The following TCF25 variants were observed in gnomAD, a reference collection of about 807,000 sequenced individuals.
The protein encoded by TCF25 is ribosome quality control complex subunit TCF25.
Under a neutral mutation model 83.1 loss-of-function variants are expected in TCF25, and 41 were observed. The ratio of observed to expected loss-of-function variants is 0.49; its 90% CI spans 0.38 to 0.64. The LOEUF is 0.64. Ranked by LOEUF, TCF25 falls within the 30% of genes least tolerant of loss-of-function variation. The pLI is 0.00. For missense variants in TCF25, 979 were observed against 914.5 expected (o/e 1.07, Z -0.91); for synonymous variants, 458 against 365.0 (o/e 1.25, Z -2.90).
At chr16:89,910,321 G>A (rs369211728) in intron 16 of TCF25, 12 of 540,118 alleles carry the variant, frequency 2.2e-5, no homozygotes, top group African/African-American at 1.7e-4. Context: ...ATGGCTGTGG[G>A]AGCCTCGCTC....
intron 14 of TCF25, 179 bp from the exon 15 acceptor site, chr16:89,906,015 C>T (rs1034024495): frequency 1.7e-5 from 10 of 596,982 alleles, no homozygotes; most frequent in Admixed American, 5.8e-5. Context: ...GCTCCCCAGC[C>T]GCAGGCCAGG....
intron 14 of TCF25, 68 bp downstream of exon 14, chr16:89,905,164 G>T (rs2044673653): frequency 6.8e-7 from 1 of 1,474,942 alleles, no homozygotes; most frequent in Non-Finnish European, 9.0e-7. Context: ...AGACACGGGG[G>T]CCTCGCATTC....
chr16:89,897,931 G>T (rs1042212013), intron 9 of TCF25, among the ~76,000 whole-genome samples: 1 of 152,212 alleles, frequency 6.6e-6, no homozygotes, highest in Non-Finnish European at 1.5e-5. Flanking sequence ...GTGAAACCCC[G>T]TCTCTACTAA....
chr16:89,900,586 TTG>T, intron 11 of TCF25, 47 bp from the exon 12 acceptor site: 2 of 1,522,698 alleles, frequency 1.3e-6, no homozygotes, highest in Non-Finnish European at 1.8e-6. Flanking sequence ...CTCACATATT[TTG>T]TCTTTATGAC....
chr16:89,898,536 G>A (rs565151837), intron 9 of TCF25, 21 bp from the exon 10 acceptor site: 1 of 1,585,660 alleles, frequency 6.3e-7, no homozygotes, highest in Non-Finnish European at 8.6e-7. Context: ...TGTAATTCAT[G>A]TGGAACTATT....
rs778311342 is a variant in TCF25 at position 89,873,800 on chromosome 16, G to A, written c.133G>A (p.Val45Ile). Reference sequence around the variant, plus strand: ...AGAAGGGCCCAAGCGGGAGCTTGGTGTCCGGCGTCCCGGGGGCGCAGGGAA... The same window carrying A: ...AGAAGGGCCCAAGCGGGAGCTTGGTATCCGGCGTCCCGGGGGCGCAGGGAA... ...EEEGPKRELG[V>I]RRPGGAGKEG... The change falls in exon 1 of 18, where the codon GTC becomes ATC. Residue 45 changes from valine to isoleucine, a missense_variant. Val to Ile is a conservative substitution (Grantham distance 29). Coordinates refer to ENST00000263346, the MANE Select transcript of TCF25 (RefSeq NM_014972.3). 1 of 1,603,462 alleles carries A rather than the reference G, an allele frequency of 6.2e-7. No individual in the cohort carries two copies. The highest frequency in any genetic ancestry group is 1.1e-5 in the South Asian group (1 of 89,824).
In TCF25 at chr16:89,905,075, C is replaced by T. The variant is rs1229996307; in HGVS notation, c.1607C>T (p.Ala536Val). ...CAAGCAGTGGACGCCGGGGACCCAG[C>T]CGTGGAAGCCTGTGAGAACCGGTGA... ...VLQAVDAGDP[A>V]VEACENRRKV... The change falls in exon 14 of 18, where the codon GCC becomes GTC. Residue 536 changes from alanine (A) to valine (V), a missense_variant. Physicochemically the swap from Ala to Val is moderately conservative, Grantham distance 64. Coordinates refer to ENST00000263346, the MANE Select transcript of TCF25 (RefSeq NM_014972.3). 1.9e-6 allele frequency: 3 copies of T among 1,599,556 alleles called. No individual in the cohort carries two copies. The highest frequency in any genetic ancestry group is 2.3e-5 in the East Asian group (1 of 44,398).
At chr16:89,891,119 G>A (rs1045248839) in intron 5 of TCF25, among the ~76,000 whole-genome samples, 3 of 152,214 alleles carry the variant, frequency 2.0e-5, no homozygotes, top group Admixed American at 6.5e-5. Flanking sequence ...CAGGGCGCCT[G>A]CCAGCCTTCA....
At chr16:89,889,912 GGCT>G (rs1250172507) in intron 5 of TCF25, 2 of 710 alleles carry the variant, frequency 2.8e-3, no homozygotes, top group African/African-American at 0.038. Context: ...CTGTCACCTA[GGCT>G]CTGGAGCTCA....
At position 89,886,660 on chromosome 16, in the gene TCF25, G is replaced by C. The variant is rs1024066008; in HGVS notation, c.548+694G>C. Among the ~76,000 whole-genome samples the C allele has an allele frequency of 5.3e-5, 8 of 152,016 alleles. No homozygotes were observed. The South Asian group carries it at 1.7e-3, about 32-fold the overall frequency. The stretch of plus-strand genomic sequence containing the variant: ...GCCTGTAATCCCAGCTACTCAGGGG[G>C]CTGAGGCCAGAAAATTGCTTGAACC... On this transcript the variant is annotated intron_variant, in intron 4 of 17. Transcript: ENST00000263346.
At chr16:89,878,693 T>C (rs1285117352) in intron 1 of TCF25, 43 of 1,030,524 alleles carry the variant, frequency 4.2e-5, no homozygotes, top group Non-Finnish European at 4.9e-5. Flanking sequence ...CAGGCTGGAG[T>C]GCAGTGGCAC....
intron 11 of TCF25, among the ~76,000 whole-genome samples, chr16:89,899,583 C>G (rs1567725722): frequency 1.3e-5 from 2 of 152,120 alleles, no homozygotes; most frequent in African/African-American, 4.8e-5. Context: ...ACAAAATTAG[C>G]TGGGCGTGGT....
At chr16:89,907,514 ACCTCCCT>A (rs201764033) in intron 16 of TCF25, among the ~76,000 whole-genome samples, 192 bp downstream of exon 16, 4 of 6,034 alleles carry the variant, frequency 6.6e-4, no homozygotes, top group Non-Finnish European at 9.2e-4. Context: ...CCCACCTCCC[ACCTCCCT>A]CCTCCCAGTT....
intron 12 of TCF25, chr16:89,901,034 T>C (rs1000059004): frequency 2.3e-6 from 1 of 433,254 alleles, no homozygotes; most frequent in East Asian, 3.4e-5. Context: ...CCGTGGGGCC[T>C]GTGTTCTAGA....
chr16:89,884,125 C>G, intron 2 of TCF25: 1 of 173,918 alleles, frequency 5.7e-6, no homozygotes, highest in South Asian at 1.2e-4. Flanking sequence ...TGTGAAGTGA[C>G]AGGTGGGTCC....
At position 89,911,298 on chromosome 16, in the gene TCF25, G is replaced by C; in HGVS notation, c.*60G>C. 1 of 1,594,372 alleles carries C rather than the reference G, an allele frequency of 6.3e-7. No individual in the cohort carries two copies. Among genetic ancestry groups the C allele is most frequent in the East Asian group, 2.2e-5 (1 of 44,458 alleles). On this transcript the variant is annotated 3_prime_UTR_variant, in exon 18 of 18. Transcript: ENST00000263346. ...ATGTTCCCGATTTCTCTGTTGGTCG[G>C]AGTCGGCCAGTTGCCTGAAGTAGGG...
At chr16:89,900,513 C>A (rs62052183) in intron 11 of TCF25, 122 bp from the exon 12 acceptor site, 106,424 of 1,142,300 alleles carry the variant, frequency 0.093, 5,827 homozygotes, top group East Asian at 0.19. Context: ...GAGGCCCTTG[C>A]GTTGCCTGCA....
At chr16:89,895,908 C>T (rs993759990) in intron 8 of TCF25, 82 bp from the exon 9 acceptor site, 38 of 1,311,306 alleles carry the variant, frequency 2.9e-5, no homozygotes, top group Non-Finnish European at 3.8e-5. Flanking sequence ...CCAGACCTTT[C>T]CTTGTTGTCC....
rs771430431 is a variant in TCF25, at chr16:89,885,103, G to GC, written c.429+450dup. Among the ~76,000 whole-genome samples the GC allele has an allele frequency of 6.1e-4, 71 of 116,088 alleles. 1 individual carries two copies. Among genetic ancestry groups the GC allele is most frequent in the African/African-American group, 2.4e-3 (68 of 28,096 alleles). The allele number at this position is 116,088 out of a possible 152,430, so 76.2% of individuals were successfully genotyped here. A position where few individuals can be genotyped will look rare whatever the true frequency, so the allele number is the denominator to read the frequency against. The stretch of plus-strand genomic sequence containing the variant: ...CTGACGCCCTCTCCCTCTGCCTGAC[G>GC]CCCTCTCCCTCTGCCTGACGCTCTC... On this transcript the variant is annotated intron_variant, in intron 3 of 17. Transcript: ENST00000263346.
Sources: allele counts gnomAD v4.1 joint callset (sites outside exome capture counted in the v4.1 genomes callset), GRCh38; gene constraint gnomAD v4.1.1; transcripts MANE v1.5; gene names NCBI Gene and HGNC (gene_info 2026-07-23, HGNC 2026-07-21).